MROH1: variants seen among roughly 807,000 people sequenced by gnomAD.
The protein encoded by MROH1 is maestro heat like repeat family member 1.
MROH1 carries 117 observed loss-of-function variants against 116.5 expected under a neutral mutation model. The ratio of observed to expected loss-of-function variants is 1.00; its 90% CI spans 0.86 to 1.17. The LOEUF (loss-of-function observed/expected upper bound fraction) is 1.17, where lower values mean the gene tolerates loss of function less well. Ranked by LOEUF, MROH1 falls within the 50% of genes most tolerant of loss-of-function variation. The pLI, the probability that MROH1 is intolerant of heterozygous loss-of-function variation, is 0.00. For missense variants in MROH1, 1,873 were observed against 1,338.5 expected, an observed-to-expected ratio of 1.40 and a Z score of -6.23; for synonymous variants, 921 against 583.9, an observed-to-expected ratio of 1.58 and a Z score of -8.32.
chr8:144,242,231 G>T lies in MROH1; in HGVS notation c.2179-138G>T, dbSNP rs951680247. 4.6e-3 allele frequency: 3,514 copies of T among 762,980 alleles called. 57 individuals are homozygous for T. In the African/African-American group the frequency reaches 0.047, roughly 10 times the overall value. The allele number at this position is 762,980 out of a possible 1,614,324, so 47.3% of individuals were successfully genotyped here. On this transcript the variant is annotated intron_variant, in intron 22 of 43. Transcript: ENST00000326134. ...CCCAGATTCAGGTGGTGCCGTGCAC[G>T]GCTGGGTCACACCTCTGCTGTCACT...
chr8:144,191,894 C>T (rs1828701382), intron 9 of MROH1, 39 bp downstream of exon 9: 1 of 1,610,452 alleles, frequency 6.2e-7, no homozygotes. Flanking sequence ...CCCCGAGGAC[C>T]CCTCCAATCA....
intron 14 of MROH1, among the ~76,000 whole-genome samples, chr8:144,234,498 G>GTTTTTGTTTTTTTT (rs1839621583): frequency 5.5e-4 from 10 of 18,102 alleles, no homozygotes; most frequent in Non-Finnish European, 9.9e-4. Context: ...TTTCTTTTTC[G>GTTTTTGTTTTTTTT]TTTTTTTTTT....
At chr8:144,247,750 G>C (rs1842145706) in intron 31 of MROH1, 71 bp downstream of exon 31, 1 of 704,652 alleles carries the variant, frequency 1.4e-6, no homozygotes, top group African/African-American at 1.7e-5. Flanking sequence ...CTTCCGAGGT[G>C]GCACCTGGCC....
rs1329532709 is a variant in MROH1, at chr8:144,249,934, G to A, written c.3274-278G>A. Among the ~76,000 whole-genome samples, 20 of 152,330 alleles carry A rather than the reference G, an allele frequency of 1.3e-4. No individual in the cohort carries two copies. The East Asian group carries it at 3.3e-3, about 25-fold the overall frequency. ...CTCTGTTGGATGCCTGCCCAGCTCC[G>A]AACCAGCCTCTGGGCCACATGTGCC... is the stretch of plus-strand genomic sequence containing the variant. On this transcript the variant is annotated intron_variant, in intron 32 of 43. Transcript: ENST00000326134.
intron 24 of MROH1, 58 bp downstream of exon 24, chr8:144,242,686 G>C (rs1841210218): frequency 1.3e-6 from 1 of 757,014 alleles, no homozygotes; most frequent in African/African-American, 1.7e-5. Flanking sequence ...CTCTCCTCTG[G>C]GCGGGTTGAG....
rs1825348062 is a variant in MROH1, at chr8:144,180,564, T to C, written c.562+41T>C. ...GTCACCTTCTGTCTCAAGTGCCCCT[T>C]TGTGGGGGGCTGTTCCCGGGCATGC... On this transcript the variant is annotated intron_variant, in intron 7 of 43. Transcript: ENST00000326134. The surrounding 1 kb of genome is among the most constrained non-coding windows in gnomAD (Gnocchi z 7.4). 2 of 1,571,260 alleles carry C rather than the reference T, an allele frequency of 1.3e-6. No individual in the cohort carries two copies. Among genetic ancestry groups the C allele is most frequent in the African/African-American group, 2.7e-5 (2 of 74,190 alleles).
chr8:144,259,199 AC>A lies in MROH1; in HGVS notation c.3930-40del, dbSNP rs34420913. Reference sequence around the variant, plus strand: ...GGAAGGTGCCTGGGTAGGGTTCAGCACAGCAACAGCCCCTGCACCCTCAGCG... The same window carrying A: ...GGAAGGTGCCTGGGTAGGGTTCAGCAAGCAACAGCCCCTGCACCCTCAGCG... On this transcript the variant is annotated intron_variant, in intron 36 of 43. Coordinates refer to ENST00000326134, the MANE Select transcript of MROH1 (RefSeq NM_032450.3). The A allele has an allele frequency of 0.024, 16,704 of 708,148 alleles. 1,613 individuals are homozygous for A. The East Asian group carries it at 0.25, about 10-fold the overall frequency. 43.9% of individuals were successfully genotyped at this position (708,148 alleles called of 1,614,324 possible).
intron 1 of MROH1, among the ~76,000 whole-genome samples, chr8:144,159,738 T>A (rs574990614): frequency 6.6e-6 from 1 of 152,214 alleles, no homozygotes; most frequent in East Asian, 1.9e-4. Flanking sequence ...ATGGGTTGGA[T>A]TTTCTTGCTT....
At chr8:144,187,074 A>G (rs1827375386) in intron 7 of MROH1, among the ~76,000 whole-genome samples, 1 of 149,548 alleles carries the variant, frequency 6.7e-6, no homozygotes, top group Non-Finnish European at 1.5e-5. Context: ...TTCCAGCCTC[A>G]GTGACAGAGT....
rs1434003948 is a variant in MROH1 at position 144,260,192 on chromosome 8, A to G, written c.4198A>G (p.Thr1400Ala). The G allele has an allele frequency of 2.6e-6, 2 of 764,876 alleles. No individual in the cohort carries two copies. The highest frequency in any genetic ancestry group is 4.8e-6 in the Non-Finnish European group (2 of 417,550). The allele number at this position is 764,876 out of a possible 1,614,324, so 47.4% of individuals were successfully genotyped here. ...LASGCPDKVR[T>A]HGPQLLTAMI... ...GAGTGTAAGGTATCCTCAGGTGCGAACCCACGGCCCCCAGCTCCTCACAGC... is the reference window on the plus strand; with the variant it reads ...GAGTGTAAGGTATCCTCAGGTGCGAGCCCACGGCCCCCAGCTCCTCACAGC... Residue 1400 changes from threonine (T) to alanine (A), a missense_variant, in exon 39 of 44, where the codon ACC becomes GCC. By Grantham distance (58) the Thr-to-Ala change is moderately conservative. Transcript: ENST00000326134.
rs934049332 is a variant in MROH1 at position 144,182,044 on chromosome 8, G to T, written c.562+1521G>T. Among the ~76,000 whole-genome samples the T allele has an allele frequency of 6.6e-6, 1 of 152,194 alleles. No individual in the cohort carries two copies. Among genetic ancestry groups the T allele is most frequent in the South Asian group, 2.1e-4 (1 of 4,830 alleles). On this transcript the variant is annotated intron_variant, in intron 7 of 43. Coordinates refer to ENST00000326134, the MANE Select transcript of MROH1 (RefSeq NM_032450.3). The surrounding 1 kb of genome is among the most constrained non-coding windows in gnomAD (Gnocchi z 4.1). ...AGATTCCATGGGACCTCCTCGTGTG[G>T]GACGTGTGCTCCCCACCACAAATGG...
At chr8:144,211,722 A>G (rs7461077) in intron 12 of MROH1, among the ~76,000 whole-genome samples, 148,855 of 150,616 alleles carry the variant, frequency 0.99, 73,578 homozygotes, top group East Asian at 1. Flanking sequence ...GTGAAATTCC[A>G]TCTCAAAAAA....
At chr8:144,168,868 T>G (rs1821690824) in intron 4 of MROH1, among the ~76,000 whole-genome samples, 1 of 152,204 alleles carries the variant, frequency 6.6e-6, no homozygotes, top group Non-Finnish European at 1.5e-5. Context: ...GCTGCTGGTC[T>G]TCCTGCACCC....
At chr8:144,192,931 G>A (rs1016090328) in intron 10 of MROH1, 2 of 287,582 alleles carry the variant, frequency 7.0e-6, no homozygotes, top group African/African-American at 2.3e-5. Flanking sequence ...TTGGCACTGG[G>A]GGTCATCTGT....
At chr8:144,177,519 TCTC>T (rs540423981) in intron 4 of MROH1, among the ~76,000 whole-genome samples, 33 of 152,286 alleles carry the variant, frequency 2.2e-4, no homozygotes, top group Admixed American at 1.8e-3. Flanking sequence ...CGGTAGCACT[TCTC>T]CTATGTGGGC....
chr8:144,196,901 C>G (rs1044963132), intron 10 of MROH1, among the ~76,000 whole-genome samples: 2 of 152,018 alleles, frequency 1.3e-5, no homozygotes, highest in Non-Finnish European at 2.9e-5. Context: ...CAAGACCAGC[C>G]TGACCAACAT....
At chr8:144,157,221 G>T (rs1485168607) in intron 1 of MROH1, among the ~76,000 whole-genome samples, 1 of 152,282 alleles carries the variant, frequency 6.6e-6, no homozygotes, top group Admixed American at 6.5e-5. Context: ...CTCCCAAAGT[G>T]CTGGCTTGAG....
At chr8:144,257,240 C>T (rs1406465093) in intron 35 of MROH1, among the ~76,000 whole-genome samples, 115 of 152,322 alleles carry the variant, frequency 7.5e-4, no homozygotes, top group Non-Finnish European at 1.9e-4. Context: ...CAGGCTTTTC[C>T]AGAGCTGCCT....
In MROH1 at chr8:144,244,177, T is replaced by C. The variant is rs933818342; in HGVS notation, c.2556-45T>C. 0.034 allele frequency: 24,372 copies of C among 713,350 alleles called. 4,070 individuals carry two copies. The African/African-American group carries it at 0.37, about 11-fold the overall frequency. 44.2% of individuals were successfully genotyped at this position (713,350 alleles called of 1,614,324 possible). Reference sequence around the variant, plus strand: ...CCTGGAGGTTACTGGGTGTCTGAGTTTCAGCCTTAGGATCATTGTCTGGGG... The same window carrying C: ...CCTGGAGGTTACTGGGTGTCTGAGTCTCAGCCTTAGGATCATTGTCTGGGG... On this transcript the variant is annotated intron_variant, in intron 26 of 43. Transcript: ENST00000326134.
Sources: gnomAD v4.1 joint callset for allele counts (sites outside exome capture counted in the v4.1 genomes callset) on GRCh38, gnomAD v4.1.1 for gene constraint, Gnocchi (gnomAD v3.1) non-coding constraint, MANE v1.5 for transcripts, NCBI Gene and HGNC (gene_info 2026-07-23, HGNC 2026-07-21) for gene names.